The following TMC2 variants were observed in gnomAD, a reference collection of about 807,000 sequenced individuals.
TMC2 encodes transmembrane channel like 2.
A neutral mutation model predicts 105.9 loss-of-function variants in TMC2; 102 were observed. The observed-to-expected ratio is 0.96, with a 90% CI of 0.82 to 1.14. The LOEUF (loss-of-function observed/expected upper bound fraction) is 1.14. TMC2 is among the 50% of genes most tolerant of loss of function. The pLI, the probability that TMC2 is intolerant of heterozygous loss-of-function variation, is 0.00. For missense variants in TMC2, 1,093 were observed against 1,134.3 expected (o/e 0.96, Z 0.52); for synonymous variants, 402 against 422.8 (o/e 0.95, Z 0.60).
At chr20:2,628,455 G>A (rs1313118656) in intron 17 of TMC2, among the ~76,000 whole-genome samples, 3 of 152,026 alleles carry the variant, frequency 2.0e-5, no homozygotes, top group Non-Finnish European at 4.4e-5. Flanking sequence ...CACTGATATA[G>A]TTAGGCTTTG....
intron 2 of TMC2, among the ~76,000 whole-genome samples, chr20:2,543,109 C>T (rs953643613): frequency 5.3e-5 from 8 of 151,870 alleles, no homozygotes; most frequent in Non-Finnish European, 7.4e-5. Context: ...AGGTGGCATA[C>T]ACCTGTAATC....
chr20:2,607,746 C>T (rs1243078943), intron 11 of TMC2, among the ~76,000 whole-genome samples: 1 of 152,178 alleles, frequency 6.6e-6, no homozygotes, highest in African/African-American at 2.4e-5. Context: ...CATTAGGACA[C>T]CTAGCTTCAT....
intron 4 of TMC2, among the ~76,000 whole-genome samples, chr20:2,562,791 C>T (rs189105947): frequency 6.6e-6 from 1 of 151,996 alleles, no homozygotes; most frequent in Non-Finnish European, 1.5e-5. Context: ...ACTAAAAAGA[C>T]AAAAATTAGC....
In TMC2 at chr20:2,537,520, G is replaced by A. The variant is rs138126169; in HGVS notation, c.82+204G>A. 5.6e-3 allele frequency among the ~76,000 whole-genome samples: 848 copies of A among 152,256 alleles called. 5 individuals are homozygous for A. Among genetic ancestry groups the A allele is most frequent in the Non-Finnish European group, 8.8e-3 (596 of 68,014 alleles). On this transcript the variant is annotated intron_variant, in intron 2 of 19. Transcript: ENST00000358864. ...TCAGAGAAGGTGCTGCTCAGCCCTC[G>A]GTGTCAGGGGAGACTCCCAGGGTTA...
At chr20:2,580,226 C>T (rs1398522683) in intron 7 of TMC2, among the ~76,000 whole-genome samples, 170 bp downstream of exon 7, 1 of 150,900 alleles carries the variant, frequency 6.6e-6, no homozygotes, top group African/African-American at 2.5e-5. Context: ...TAATTTTTTG[C>T]CATTAAAAGT....
chr20:2,638,734 G>GA (rs1000036899), intron 19 of TMC2, among the ~76,000 whole-genome samples: 4 of 150,834 alleles, frequency 2.7e-5, no homozygotes, highest in African/African-American at 9.8e-5. Flanking sequence ...AAAGTAAAAA[G>GA]AAAAAAAATT....
chr20:2,567,333 C>T (rs979956153), intron 4 of TMC2, among the ~76,000 whole-genome samples: 1 of 152,166 alleles, frequency 6.6e-6, no homozygotes, highest in Admixed American at 6.5e-5. Flanking sequence ...AATCAGGCAA[C>T]ATTACCTACA....
chr20:2,543,451 T>A (rs1351247924), intron 2 of TMC2, among the ~76,000 whole-genome samples: 1 of 152,154 alleles, frequency 6.6e-6, no homozygotes, highest in Admixed American at 6.5e-5. Context: ...AGAGCTGGAA[T>A]GAGACTGGGT....
intron 17 of TMC2, among the ~76,000 whole-genome samples, chr20:2,632,003 C>G (rs1452473232): frequency 6.7e-6 from 1 of 150,090 alleles, no homozygotes; most frequent in Non-Finnish European, 1.5e-5. Flanking sequence ...CTCAACTGAT[C>G]TATTTTCAAG....
Position 2,637,596 on chromosome 20 carries a change from GCT to G in TMC2, c.2503+8_2503+9del, listed in dbSNP as rs754911999. On this transcript the variant is annotated splice_donor_region_variant and intron_variant, in intron 19 of 19. Transcript: ENST00000358864. ...AGCTCCAACTCACCAAGGAAGGTAA[GCT>G]CTTTGTCATAATGATTATGTTTTAC... 1 of 1,594,484 alleles carries G rather than the reference GCT, an allele frequency of 6.3e-7. No individual in the cohort carries two copies. The highest frequency in any genetic ancestry group is 8.6e-7 in the Non-Finnish European group (1 of 1,162,332).
intron 2 of TMC2, among the ~76,000 whole-genome samples, chr20:2,538,323 T>C (rs2085865371): frequency 6.6e-6 from 1 of 152,150 alleles, no homozygotes; most frequent in East Asian, 1.9e-4. Flanking sequence ...ATCCCGGAAC[T>C]TGCCTCAGCC....
At chr20:2,627,440 T>TTA (rs1426263700) in intron 17 of TMC2, among the ~76,000 whole-genome samples, 4 of 152,198 alleles carry the variant, frequency 2.6e-5, no homozygotes, top group Admixed American at 2.6e-4. Context: ...TTTGGCTTAT[T>TTA]TATCTGCAAT....
chr20:2,569,156 G>A (rs776510703), intron 4 of TMC2, among the ~76,000 whole-genome samples: 10 of 152,146 alleles, frequency 6.6e-5, no homozygotes, highest in South Asian at 2.1e-4. Context: ...GCTGATTTCC[G>A]TGGTCTAAAT....
At position 2,572,176 on chromosome 20, in the gene TMC2, CA is replaced by C; in HGVS notation, c.555-2del. On this transcript the variant is annotated splice_acceptor_variant, in intron 4 of 19. Transcript: ENST00000358864. LOFTEE classifies it high-confidence loss of function. ...TCCTGCTTTTTTTTTTTTTTCTAAG[CA>C]GGGAGGCCCAGGAATTTGTGGAGAA... 1 of 1,598,922 alleles carries C rather than the reference CA, an allele frequency of 6.3e-7. No individual in the cohort carries two copies. The highest frequency in any genetic ancestry group is 8.5e-7 in the Non-Finnish European group (1 of 1,173,802).
chr20:2,564,412 A>C (rs2086050016), intron 4 of TMC2, among the ~76,000 whole-genome samples: 1 of 151,894 alleles, frequency 6.6e-6, no homozygotes, highest in Non-Finnish European at 1.5e-5. Flanking sequence ...GGCCTCCCAA[A>C]GTGCTGAGAT....
chr20:2,641,733 C>T lies in TMC2; in HGVS notation c.*382C>T, dbSNP rs73574053. Reference sequence around the variant, plus strand: ...TAGGACACGGGTTTCTGCCAGCTTCCCTAACCAGGAGGGGGATGGAGAAGG... The same window carrying T: ...TAGGACACGGGTTTCTGCCAGCTTCTCTAACCAGGAGGGGGATGGAGAAGG... On this transcript the variant is annotated 3_prime_UTR_variant, in exon 20 of 20. Transcript: ENST00000358864. 30 of 196,088 alleles carry T rather than the reference C, an allele frequency of 1.5e-4. 1 individual carries two copies. Among genetic ancestry groups the T allele is most frequent in the African/African-American group, 6.9e-4 (30 of 43,496 alleles). The allele number at this position is 196,088 out of a possible 1,614,324, so 12.1% of individuals were successfully genotyped here.
chr20:2,576,919 T>A (rs866365768), intron 5 of TMC2, among the ~76,000 whole-genome samples: 3 of 149,350 alleles, frequency 2.0e-5, no homozygotes, highest in Non-Finnish European at 3.0e-5. Flanking sequence ...TTTTGTTTTT[T>A]TTTTTTTGAG....
chr20:2,632,073 G>A (rs1461723405), intron 17 of TMC2, among the ~76,000 whole-genome samples: 1 of 149,706 alleles, frequency 6.7e-6, no homozygotes, highest in African/African-American at 2.5e-5. Context: ...CCAGGCTAGA[G>A]TGCAGTGGCA....
chr20:2,596,134 T>C (rs1004586895), intron 9 of TMC2, among the ~76,000 whole-genome samples: 1 of 152,160 alleles, frequency 6.6e-6, no homozygotes, highest in African/African-American at 2.4e-5. Context: ...TTAGGGAAGA[T>C]GACAAACCCC....
Sources: allele counts gnomAD v4.1 joint callset (sites outside exome capture counted in the v4.1 genomes callset), GRCh38; gene constraint gnomAD v4.1.1; transcripts MANE v1.5; gene names NCBI Gene and HGNC (gene_info 2026-07-23, HGNC 2026-07-21).